The following ANKRD30A variants were observed in gnomAD, a reference collection of about 807,000 sequenced individuals.
The protein encoded by ANKRD30A is ankyrin repeat domain-containing protein 30A.
Under a neutral mutation model 166.3 loss-of-function variants are expected in ANKRD30A, and 170 were observed. The ratio of observed to expected loss-of-function variants is 1.02; its 90% CI spans 0.90 to 1.16. The LOEUF (loss-of-function observed/expected upper bound fraction) is 1.16, where lower values mean the gene tolerates loss of function less well. Ranked by LOEUF, ANKRD30A falls within the 50% of genes most tolerant of loss-of-function variation. ANKRD30A has a pLI of 0.00. For missense variants in ANKRD30A, 1,630 were observed against 1,518.0 expected (o/e 1.07, Z -1.23); for synonymous variants, 564 against 508.9 (o/e 1.11, Z -1.46).
At chr10:37,172,438 T>A (rs2132623123) in intron 21 of ANKRD30A, among the ~76,000 whole-genome samples, 1 of 122,990 alleles carries the variant, frequency 8.1e-6, no homozygotes, top group East Asian at 2.2e-4. Flanking sequence ...ATTATAGATT[T>A]AAGATACTAT....
rs184658770 is a variant in ANKRD30A at position 37,171,695 on chromosome 10, T to C, written c.2257+1971T>C. 1.9e-4 allele frequency among the ~76,000 whole-genome samples: 29 copies of C among 151,286 alleles called. 1 individual carries two copies. Among genetic ancestry groups the C allele is most frequent in the African/African-American group, 7.0e-4 (29 of 41,196 alleles). On this transcript the variant is annotated intron_variant, in intron 21 of 35. Coordinates refer to ENST00000361713, the MANE Select transcript of ANKRD30A (RefSeq NM_052997.3). Reference sequence around the variant, plus strand: ...AAGTTGCACCTCTGAGTCTTTTTTCTCTTTTTCTTTTTTAAAAAGATATAA... The same window carrying C: ...AAGTTGCACCTCTGAGTCTTTTTTCCCTTTTTCTTTTTTAAAAAGATATAA...
At chr10:37,247,322 G>A in the ANKRD30A span, among the ~76,000 whole-genome samples, 45 of 152,304 alleles carry the variant, frequency 3.0e-4, no homozygotes, top group African/African-American at 1.0e-3. Context: ...TTTTACACGG[G>A]AAGGTAGTTG....
chr10:37,148,631 A>G (rs551408338), intron 9 of ANKRD30A, among the ~76,000 whole-genome samples: 13 of 152,126 alleles, frequency 8.5e-5, no homozygotes, highest in East Asian at 7.7e-4. Context: ...AATTATGGAC[A>G]CTCCAGAGAC....
At chr10:37,149,045 T>A (rs1837715372) in intron 9 of ANKRD30A, among the ~76,000 whole-genome samples, 1 of 152,064 alleles carries the variant, frequency 6.6e-6, no homozygotes, top group South Asian at 2.1e-4. Flanking sequence ...ATTTCCATGA[T>A]GAGTTTTATA....
chr10:37,260,441 A>G, the ANKRD30A span, among the ~76,000 whole-genome samples: 1 of 151,850 alleles, frequency 6.6e-6, no homozygotes, highest in African/African-American at 2.4e-5. Context: ...TCCTAGTGTA[A>G]CTCTTACCTT....
chr10:37,265,225 C>T, the ANKRD30A span, among the ~76,000 whole-genome samples: 9 of 152,190 alleles, frequency 5.9e-5, no homozygotes, highest in East Asian at 1.5e-3. Context: ...CAGCCATCAA[C>T]CGTGATGAAC....
intron 24 of ANKRD30A, among the ~76,000 whole-genome samples, chr10:37,182,565 CT>C (rs1192919437): frequency 5.6e-3 from 374 of 67,376 alleles, no homozygotes; most frequent in Middle Eastern, 0.021. Flanking sequence ...CTTAAATTTT[CT>C]TTTTTTTTGT....
chr10:37,238,036 C>A, the ANKRD30A span, among the ~76,000 whole-genome samples: 1 of 152,136 alleles, frequency 6.6e-6, no homozygotes, highest in African/African-American at 2.4e-5. Context: ...CCAACTCTTT[C>A]TACAGCCAAT....
rs571664478 is a variant in ANKRD30A, at chr10:37,158,892, A to G, written c.1900+306A>G. The stretch of plus-strand genomic sequence containing the variant: ...AAGGCAGGTGAATTTTGAGACTGAA[A>G]TATTTGCAGTGGTTCAAAGGCTGAT... On this transcript the variant is annotated intron_variant, in intron 15 of 35. Coordinates refer to ENST00000361713, the MANE Select transcript of ANKRD30A (RefSeq NM_052997.3). Among the ~76,000 whole-genome samples, 9 of 152,304 alleles carry G rather than the reference A, an allele frequency of 5.9e-5. No individual in the cohort carries two copies. In the South Asian group the frequency reaches 1.9e-3, roughly 32 times the overall value.
At chr10:37,194,307 T>C (rs1290847228) in intron 27 of ANKRD30A, among the ~76,000 whole-genome samples, 1 of 152,126 alleles carries the variant, frequency 6.6e-6, no homozygotes, top group East Asian at 1.9e-4. Flanking sequence ...ATGTCTTCAA[T>C]TTTCTTCCTT....
chr10:37,161,401 A>G (rs1417144281), intron 15 of ANKRD30A, among the ~76,000 whole-genome samples: 1 of 152,162 alleles, frequency 6.6e-6, no homozygotes, highest in Non-Finnish European at 1.5e-5. Flanking sequence ...TAAATTTGAA[A>G]CAGTGTTGTA....
chr10:37,242,506 C>T, the ANKRD30A span, among the ~76,000 whole-genome samples: 1 of 152,132 alleles, frequency 6.6e-6, no homozygotes, highest in Non-Finnish European at 1.5e-5. Flanking sequence ...TATTCATTTA[C>T]TTGTATCAGT....
chr10:37,136,805 G>C, intron 6 of ANKRD30A, 134 bp downstream of exon 6: 1 of 333,090 alleles, frequency 3.0e-6, no homozygotes, highest in Non-Finnish European at 5.5e-6. Flanking sequence ...GTGGGTGTGG[G>C]TGTGTGTATG....
intron 13 of ANKRD30A, among the ~76,000 whole-genome samples, chr10:37,157,188 A>G (rs765300144): frequency 1.2e-4 from 19 of 152,216 alleles, no homozygotes; most frequent in African/African-American, 3.6e-4. Context: ...ATAAGAGCTT[A>G]TTCATAACAA....
intron 34 of ANKRD30A, among the ~76,000 whole-genome samples, chr10:37,221,805 T>G (rs1304292549): frequency 6.6e-6 from 1 of 151,312 alleles, no homozygotes; most frequent in Non-Finnish European, 1.5e-5. Context: ...CAAGCCATAT[T>G]TAATCAGAGA....
At position 37,134,017 on chromosome 10, in the gene ANKRD30A, C is replaced by G. The variant is rs145748184; in HGVS notation, c.719C>G (p.Thr240Ser). The stretch of plus-strand genomic sequence containing the variant: ...TTTGCTGCAGATATATGTGGAGTAA[C>G]TGCAGAACATTATGCTGTTACTTGT... ...DVFAADICGVTAEHYAVTCGF... is the reference protein window; with the variant it reads ...DVFAADICGVSAEHYAVTCGF... The change falls in exon 5 of 36, where the codon ACT (threonine) becomes AGT (serine). Residue 240 changes from threonine to serine, a missense_variant. Coordinates refer to ENST00000361713, the MANE Select transcript of ANKRD30A (RefSeq NM_052997.3). 59 of 1,614,026 alleles carry G rather than the reference C, an allele frequency of 3.7e-5. No homozygotes were observed. The African/African-American group carries it at 6.1e-4, about 17-fold the overall frequency.
chr10:37,211,900 T>C (rs1198852446), intron 31 of ANKRD30A, among the ~76,000 whole-genome samples: 1 of 152,112 alleles, frequency 6.6e-6, no homozygotes, highest in East Asian at 1.9e-4. Flanking sequence ...ATGAGCATTT[T>C]TTCATGTGTC....
chr10:37,246,138 A>C, the ANKRD30A span, among the ~76,000 whole-genome samples: 1 of 152,214 alleles, frequency 6.6e-6, no homozygotes, highest in Non-Finnish European at 1.5e-5. Context: ...AGGTGCAAAA[A>C]TCACTGGAGC....
the ANKRD30A span, among the ~76,000 whole-genome samples, chr10:37,244,036 C>G: frequency 2.0e-5 from 3 of 152,144 alleles, no homozygotes; most frequent in Non-Finnish European, 2.9e-5. Context: ...GTGTGATTAT[C>G]ATAGTTCTCA....
Sources: gnomAD v4.1 joint callset for allele counts (sites outside exome capture counted in the v4.1 genomes callset) on GRCh38, gnomAD v4.1.1 for gene constraint, MANE v1.5 for transcripts, NCBI Gene and HGNC (gene_info 2026-07-23, HGNC 2026-07-21) for gene names.